Variants in PPM1L observed in about 807,000 individuals in gnomAD.
The protein encoded by PPM1L is protein phosphatase 1L.
Under a neutral mutation model 31.4 loss-of-function variants are expected in PPM1L, and 13 were observed. That is an observed-to-expected ratio of 0.41 (90% confidence interval 0.27 to 0.66). The LOEUF is 0.66. PPM1L is among the 30% of genes least tolerant of loss of function. The pLI is 0.29. For missense variants in PPM1L, 326 were observed against 453.7 expected (o/e 0.72, Z 2.56); for synonymous variants, 184 against 175.4 (o/e 1.05, Z -0.39).
intron 2 of PPM1L, among the ~76,000 whole-genome samples, chr3:161,054,340 G>A (rs1206620143): frequency 2.0e-5 from 3 of 150,954 alleles, no homozygotes; most frequent in African/African-American, 7.3e-5. Flanking sequence ...GTGCTGTTCT[G>A]CTGAACTTCC....
chr3:160,868,891 C>T (rs143680810), intron 1 of PPM1L, among the ~76,000 whole-genome samples: 50 of 152,244 alleles, frequency 3.3e-4, no homozygotes, highest in African/African-American at 1.1e-3. Flanking sequence ...ATTGTTGATT[C>T]ATGGAACGTG....
At chr3:160,788,480 G>A (rs1712000850) in intron 1 of PPM1L, among the ~76,000 whole-genome samples, 1 of 151,994 alleles carries the variant, frequency 6.6e-6, no homozygotes, top group South Asian at 2.1e-4. Context: ...TCTTTCTGTA[G>A]AAAGAAGATT....
chr3:160,964,605 C>G (rs979323419), intron 2 of PPM1L, among the ~76,000 whole-genome samples: 22 of 152,016 alleles, frequency 1.4e-4, no homozygotes, highest in African/African-American at 5.3e-4. Flanking sequence ...CGTATTCTAA[C>G]TTAGTCTTTT....
chr3:160,804,446 C>G (rs1466396363), intron 1 of PPM1L, among the ~76,000 whole-genome samples: 1 of 152,092 alleles, frequency 6.6e-6, no homozygotes, highest in Admixed American at 6.5e-5. Context: ...GGCCTTTTAC[C>G]AGACATGGTA....
intron 1 of PPM1L, among the ~76,000 whole-genome samples, chr3:160,773,551 A>G (rs1711502551): frequency 6.6e-6 from 1 of 152,230 alleles, no homozygotes; most frequent in Non-Finnish European, 1.5e-5. Flanking sequence ...GGCCTGTGCC[A>G]GTACCGTCAG....
intron 2 of PPM1L, among the ~76,000 whole-genome samples, chr3:161,008,295 G>C (rs2108060019): frequency 6.6e-6 from 1 of 152,318 alleles, no homozygotes; most frequent in African/African-American, 2.4e-5. Flanking sequence ...GCTGCACAGA[G>C]CGGCCAAGAA....
intron 2 of PPM1L, among the ~76,000 whole-genome samples, chr3:160,976,354 G>T (rs1261125745): frequency 7.0e-6 from 1 of 142,046 alleles, no homozygotes; most frequent in Non-Finnish European, 1.5e-5. Context: ...TTGTGTCTCT[G>T]CCCGGCTTTG....
At chr3:160,830,657 CAG>C (rs759463187) in intron 1 of PPM1L, among the ~76,000 whole-genome samples, 26 of 152,206 alleles carry the variant, frequency 1.7e-4, no homozygotes, top group Admixed American at 1.5e-3. Context: ...GATGATAGGT[CAG>C]AGTCTATCCT....
chr3:160,976,693 T>G (rs1038598522), intron 2 of PPM1L, among the ~76,000 whole-genome samples: 3 of 152,222 alleles, frequency 2.0e-5, no homozygotes, highest in Non-Finnish European at 4.4e-5. Context: ...TGATGGTAGT[T>G]TGTATTTCTG....
chr3:160,834,980 C>T (rs767974945), intron 1 of PPM1L, among the ~76,000 whole-genome samples: 5 of 151,758 alleles, frequency 3.3e-5, no homozygotes, highest in African/African-American at 1.2e-4. Context: ...AGGTAAGTAG[C>T]GTTTAGTCTT....
intron 1 of PPM1L, among the ~76,000 whole-genome samples, chr3:160,780,064 C>A (rs1045030444): frequency 1.3e-5 from 2 of 151,788 alleles, no homozygotes; most frequent in Admixed American, 1.3e-4. Context: ...TCCTCCATTG[C>A]CCAGGCTGTG....
At position 160,944,858 on chromosome 3, in the gene PPM1L, T is replaced by G. The variant is rs537290327; in HGVS notation, c.400-16878T>G. ...TATATATGTTATATATAACATATAT[T>G]ATATATAATGTTATATATAACATAT... On this transcript the variant is annotated intron_variant, in intron 1 of 3. Transcript: ENST00000498165. Among the ~76,000 whole-genome samples the G allele has an allele frequency of 1.0e-3, 40 of 39,080 alleles. 4 individuals carry two copies. Among genetic ancestry groups the G allele is most frequent in the African/African-American group, 3.2e-3 (37 of 11,406 alleles). The allele number at this position is 39,080 out of a possible 152,430, so 25.6% of individuals were successfully genotyped here.
rs549161473 is a variant in PPM1L, at chr3:160,983,884, G to A, written c.574+21974G>A. 2.6e-5 allele frequency among the ~76,000 whole-genome samples: 4 copies of A among 152,298 alleles called. No individual in the cohort carries two copies. In the South Asian group the frequency reaches 8.3e-4, roughly 32 times the overall value. On this transcript the variant is annotated intron_variant, in intron 2 of 3. Coordinates refer to ENST00000498165, the MANE Select transcript of PPM1L (RefSeq NM_139245.4). ...CCACAAAACCAGCAAGTTTTTATTA[G>A]TGATTTTCAAAAGGGGAGGGAGTGT...
intron 1 of PPM1L, among the ~76,000 whole-genome samples, chr3:160,798,500 T>A (rs1312437047): frequency 1.3e-5 from 2 of 152,216 alleles, no homozygotes; most frequent in African/African-American, 4.8e-5. Flanking sequence ...TCTAGTCTGC[T>A]TATGCTCTCG....
chr3:161,068,370 GA>G (rs1719803838), intron 3 of PPM1L, among the ~76,000 whole-genome samples: 1 of 152,144 alleles, frequency 6.6e-6, no homozygotes, highest in Admixed American at 6.5e-5. Context: ...TGGGGGGACA[GA>G]GCTGTTTTGA....
chr3:160,840,801 GAA>G (rs1464483737), intron 1 of PPM1L, among the ~76,000 whole-genome samples: 12 of 150,870 alleles, frequency 8.0e-5, no homozygotes, highest in African/African-American at 2.7e-4. Flanking sequence ...GAGAGAGAGA[GAA>G]AGAGAGAGAA....
intron 1 of PPM1L, among the ~76,000 whole-genome samples, chr3:160,926,899 A>G (rs762472160): frequency 3.9e-5 from 6 of 152,228 alleles, no homozygotes; most frequent in Non-Finnish European, 8.8e-5. Flanking sequence ...GAGGCAAGGC[A>G]CTTGTGCGTG....
intron 2 of PPM1L, among the ~76,000 whole-genome samples, chr3:161,037,822 CTTGATCCTCAGAAACTCTGAGATA>C (rs1049675783): frequency 6.6e-6 from 1 of 152,156 alleles, no homozygotes; most frequent in African/African-American, 2.4e-5. Context: ...CCTCAGGATT[CTTGATCCTCAGAAACTCTGAGATA>C]ATAAATATTT....
chr3:161,010,066 C>A (rs1488172410), intron 2 of PPM1L, among the ~76,000 whole-genome samples: 1 of 152,084 alleles, frequency 6.6e-6, no homozygotes, highest in African/African-American at 2.4e-5. Flanking sequence ...AGGTTTGTTA[C>A]ACATGTATAC....
Sources: allele counts gnomAD v4.1 joint callset (sites outside exome capture counted in the v4.1 genomes callset), GRCh38; gene constraint gnomAD v4.1.1; transcripts MANE v1.5; gene names NCBI Gene and HGNC (gene_info 2026-07-23, HGNC 2026-07-21).